The following TSHZ1 variants were observed in gnomAD, a reference collection of about 807,000 sequenced individuals.
The protein encoded by TSHZ1 is teashirt homolog 1.
TSHZ1 carries 12 observed loss-of-function variants against 67.1 expected under a neutral mutation model. The observed-to-expected ratio is 0.18, with a 90% CI of 0.11 to 0.29. TSHZ1 has a LOEUF of 0.29. TSHZ1 is among the 10% of genes least tolerant of loss of function. The pLI, the probability that TSHZ1 is intolerant of heterozygous loss-of-function variation, is 1.00. For synonymous variants in TSHZ1, 632 were observed against 622.4 expected, an observed-to-expected ratio of 1.02 and a Z score of -0.23; for missense variants, 1,305 against 1,413.9, an observed-to-expected ratio of 0.92 and a Z score of 1.23.
Position 75,285,533 on chromosome 18 carries a change from A to T in TSHZ1, c.126A>T (p.Glu42Asp), listed in dbSNP as rs1426975071. Residue 42 changes from glutamate (E) to aspartate (D), a missense_variant, in exon 2 of 2, where the codon GAA (glutamate) becomes GAT (aspartate). Transcript: ENST00000580243. Reference sequence around the variant, plus strand: ...ACGGGCTGTCTTTGGACATTCAGGAAAGTGAGTACATGTGCAATGAAGAGA... The same window carrying T: ...ACGGGCTGTCTTTGGACATTCAGGATAGTGAGTACATGTGCAATGAAGAGA... ...EDDGLSLDIQ[E>D]SEYMCNEETE... 2.4e-5 allele frequency: 38 copies of T among 1,556,604 alleles called. No homozygotes were observed. The highest frequency in any genetic ancestry group is 3.2e-5 in the Non-Finnish European group (37 of 1,146,522).
intron 1 of TSHZ1, among the ~76,000 whole-genome samples, chr18:75,235,690 T>C (rs1404190970): frequency 2.0e-5 from 3 of 151,744 alleles, no homozygotes; most frequent in Non-Finnish European, 4.4e-5. Flanking sequence ...TGAAATATTT[T>C]ATTATGCATC....
At chr18:75,251,168 G>A (rs1422346835) in intron 1 of TSHZ1, among the ~76,000 whole-genome samples, 1 of 152,116 alleles carries the variant, frequency 6.6e-6, no homozygotes, top group African/African-American at 2.4e-5. Flanking sequence ...ATAAAATTAT[G>A]TGCAAGGAGC....
chr18:75,229,836 A>G (rs1315467369), intron 1 of TSHZ1, among the ~76,000 whole-genome samples: 4 of 152,254 alleles, frequency 2.6e-5, no homozygotes, highest in Non-Finnish European at 4.4e-5. Flanking sequence ...CCAGTGTAAC[A>G]AGAAAAGGGG....
intron 1 of TSHZ1, among the ~76,000 whole-genome samples, chr18:75,230,304 C>T (rs2022980913): frequency 6.6e-6 from 1 of 152,186 alleles, no homozygotes; most frequent in Non-Finnish European, 1.5e-5. Context: ...CCTGGAGTGA[C>T]TGACAGGCAC....
chr18:75,285,876 A>ACCCC lies in TSHZ1; in HGVS notation c.471_474dup (p.Thr159ProfsTer62). ...CAGCCAGAAGGAGAGCTCCGCCCCC[A>ACCCC]CCCCCACACCCCCCACCTGCCCCGT... On this transcript the variant is annotated frameshift_variant, in exon 2 of 2. Transcript: ENST00000580243. LOFTEE classifies it high-confidence loss of function. 2.2e-5 allele frequency: 11 copies of ACCCC among 496,180 alleles called. No individual in the cohort carries two copies. Among genetic ancestry groups the ACCCC allele is most frequent in the Admixed American group, 4.7e-5 (1 of 21,458 alleles). 30.7% of individuals were successfully genotyped at this position (496,180 alleles called of 1,614,324 possible). A position where few individuals can be genotyped will look rare whatever the true frequency, so the allele number is the denominator to read the frequency against.
At chr18:75,237,916 G>T (rs559347297) in intron 1 of TSHZ1, among the ~76,000 whole-genome samples, 1 of 152,014 alleles carries the variant, frequency 6.6e-6, no homozygotes, top group Non-Finnish European at 1.5e-5. Context: ...GGGTTCAAGC[G>T]ATTCTCCTGC....
intron 1 of TSHZ1, among the ~76,000 whole-genome samples, chr18:75,257,660 G>A (rs1380671537): frequency 3.3e-5 from 5 of 151,788 alleles, no homozygotes; most frequent in African/African-American, 9.7e-5. Context: ...ACTAAGGAAC[G>A]GCTTTGCTTT....
intron 1 of TSHZ1, among the ~76,000 whole-genome samples, chr18:75,265,886 A>G (rs964623019): frequency 2.4e-4 from 37 of 152,208 alleles, no homozygotes; most frequent in Non-Finnish European, 4.4e-4. Flanking sequence ...ACACTTTTCT[A>G]GGATTGCTTA....
chr18:75,258,831 C>T (rs1177547104), intron 1 of TSHZ1, among the ~76,000 whole-genome samples: 1 of 152,158 alleles, frequency 6.6e-6, no homozygotes, highest in African/African-American at 2.4e-5. Flanking sequence ...GTGCCATCCA[C>T]TGATGGATGA....
chr18:75,231,181 C>T (rs2122534651), intron 1 of TSHZ1, among the ~76,000 whole-genome samples: 1 of 152,336 alleles, frequency 6.6e-6, no homozygotes, highest in East Asian at 1.9e-4. Context: ...TGGCCCCAAG[C>T]CTGGCACAGA....
chr18:75,284,726 TC>T (rs1325095871), intron 1 of TSHZ1: 1 of 152,318 alleles, frequency 6.6e-6, no homozygotes, highest in East Asian at 1.9e-4. Context: ...GTGTCAGAAC[TC>T]CCTTTCCAAG....
chr18:75,226,703 TC>T (rs2022930739), intron 1 of TSHZ1, among the ~76,000 whole-genome samples: 1 of 151,762 alleles, frequency 6.6e-6, no homozygotes, highest in Non-Finnish European at 1.5e-5. Flanking sequence ...TCACCAGCCC[TC>T]CCAGCCGCAG....
intron 1 of TSHZ1, among the ~76,000 whole-genome samples, chr18:75,240,288 T>C (rs1430597439): frequency 6.6e-6 from 1 of 152,192 alleles, no homozygotes; most frequent in Admixed American, 6.5e-5. Flanking sequence ...GTGATATTTC[T>C]TAAAAATTTT....
At chr18:75,261,301 G>A (rs1297328126) in intron 1 of TSHZ1, among the ~76,000 whole-genome samples, 3 of 152,186 alleles carry the variant, frequency 2.0e-5, no homozygotes, top group African/African-American at 7.2e-5. Context: ...TTTGACTCAT[G>A]ACAACATCAT....
rs947011503 is a variant in TSHZ1, at chr18:75,281,190, G to A, written c.41-4258G>A. Among the ~76,000 whole-genome samples, 1 of 152,214 alleles carries A rather than the reference G, an allele frequency of 6.6e-6. No individual in the cohort carries two copies. Among genetic ancestry groups the A allele is most frequent in the Non-Finnish European group, 1.5e-5 (1 of 68,028 alleles). ...GGAGCGAGGTCATCTGGGGACGTTGGAAGGCTCTGGCCACAGCTGGTCATC... is the reference window on the plus strand; with the variant it reads ...GGAGCGAGGTCATCTGGGGACGTTGAAAGGCTCTGGCCACAGCTGGTCATC... On this transcript the variant is annotated intron_variant, in intron 1 of 1. Coordinates refer to ENST00000580243, the MANE Select transcript of TSHZ1 (RefSeq NM_001308210.2). The surrounding 1 kb of genome is among the most constrained non-coding windows in gnomAD (Gnocchi z 5.3).
intron 1 of TSHZ1, among the ~76,000 whole-genome samples, chr18:75,219,348 C>T (rs1464182568): frequency 3.9e-5 from 6 of 152,088 alleles, no homozygotes; most frequent in African/African-American, 7.2e-5. Context: ...GTATTTTTCA[C>T]CCAGGAAGGT....
At chr18:75,277,962 G>A (rs2023635158) in intron 1 of TSHZ1, among the ~76,000 whole-genome samples, 1 of 151,966 alleles carries the variant, frequency 6.6e-6, no homozygotes, top group African/African-American at 2.4e-5. Context: ...CTGTGTGTAT[G>A]TATCTGAGCC....
In TSHZ1 at chr18:75,285,498, G is replaced by A. The variant is rs1452220544; in HGVS notation, c.91G>A (p.Val31Met). ...LKAAEIDEEH[V>M]EDDGLSLDIQ... ...GGCAGCAGAAATAGATGAAGAGCAC[G>A]TGGAGGATGACGGGCTGTCTTTGGA... Residue 31 changes from valine (V) to methionine (M), a missense_variant, in exon 2 of 2, where the codon GTG (valine) becomes ATG (methionine). Physicochemically the swap from Val to Met is conservative, Grantham distance 21. Around this residue, in one of 3 missense-constraint regions of TSHZ1, gnomAD observed 358 missense variants for 375.6 expected, o/e 0.95. Transcript: ENST00000580243. The A allele has an allele frequency of 1.2e-5, 18 of 1,526,296 alleles. No homozygotes were observed. The highest frequency in any genetic ancestry group is 2.6e-5 in the South Asian group (2 of 77,286). The allele number at this position is 1,526,296 out of a possible 1,614,324, so 94.5% of individuals were successfully genotyped here.
At chr18:75,248,374 G>A (rs1232233458) in intron 1 of TSHZ1, among the ~76,000 whole-genome samples, 2 of 152,220 alleles carry the variant, frequency 1.3e-5, no homozygotes, top group Non-Finnish European at 2.9e-5. Flanking sequence ...TTCACCCTCA[G>A]GTTCATCTGG....
Sources: allele counts gnomAD v4.1 joint callset (sites outside exome capture counted in the v4.1 genomes callset), GRCh38; gene constraint gnomAD v4.1.1; regional missense constraint gnomAD v4.1.1; non-coding constraint Gnocchi (gnomAD v3.1); transcripts MANE v1.5; gene names NCBI Gene and HGNC (gene_info 2026-07-23, HGNC 2026-07-21).